STK4: variants seen among roughly 807,000 people sequenced by gnomAD.
STK4 encodes serine/threonine-protein kinase 4.
A neutral mutation model predicts 64.9 loss-of-function variants in STK4; 30 were observed. The observed-to-expected ratio is 0.46, with a 90% CI of 0.35 to 0.63. The LOEUF is 0.63. STK4 is among the 20% of genes least tolerant of loss of function. The probability of loss-of-function intolerance (pLI) is 0.01; values close to 1 mark genes in which losing one functional copy is unlikely to be tolerated. For synonymous variants in STK4, 177 were observed against 199.0 expected (o/e 0.89, Z 0.93); for missense variants, 466 against 598.5 (o/e 0.78, Z 2.31).
intron 10 of STK4, among the ~76,000 whole-genome samples, chr20:45,060,392 T>G (rs1305780116): frequency 6.6e-6 from 1 of 152,232 alleles, no homozygotes; most frequent in Non-Finnish European, 1.5e-5. Flanking sequence ...AAGTTAAAAT[T>G]CAGACCTTTC....
intron 10 of STK4, chr20:45,053,238 G>A (rs546563327): frequency 6.3e-6 from 9 of 1,423,112 alleles, no homozygotes; most frequent in Admixed American, 1.8e-5. Context: ...CTGGTGGATC[G>A]TGCTAGCTGA....
intron 7 of STK4, among the ~76,000 whole-genome samples, chr20:44,999,698 A>C (rs2145693722): frequency 6.6e-6 from 1 of 152,326 alleles, no homozygotes; most frequent in East Asian, 1.9e-4. Flanking sequence ...TATTTGGGTC[A>C]AAATCTGTTA....
chr20:44,999,616 C>T (rs1256907028), intron 7 of STK4, among the ~76,000 whole-genome samples: 4 of 152,190 alleles, frequency 2.6e-5, no homozygotes, highest in Non-Finnish European at 5.9e-5. Flanking sequence ...ATATTAAAAA[C>T]TTATAAAGCA....
At chr20:45,042,513 A>G (rs907744667) in intron 10 of STK4, among the ~76,000 whole-genome samples, 1 of 152,124 alleles carries the variant, frequency 6.6e-6, no homozygotes, top group Non-Finnish European at 1.5e-5. Context: ...CCCTCTCCCA[A>G]CAGGACCACT....
chr20:45,015,115 T>C (rs1260364938), intron 9 of STK4, among the ~76,000 whole-genome samples: 1 of 152,228 alleles, frequency 6.6e-6, no homozygotes, highest in Non-Finnish European at 1.5e-5. Context: ...GTGTTTATAG[T>C]TCCTCAGAAA....
At position 45,078,580 on chromosome 20, in the gene STK4, T is replaced by TTTC. The variant is rs909903905; in HGVS notation, c.*3405_*3407dup. The TTTC allele has an allele frequency of 2.6e-5, 4 of 152,044 alleles. No individual in the cohort carries two copies. Among genetic ancestry groups the TTTC allele is most frequent in the African/African-American group, 7.3e-5 (3 of 41,374 alleles). The allele number at this position is 152,044 out of a possible 1,614,324, so 9.4% of individuals were successfully genotyped here. ...TGAAGCACTTTCCTTTTTTTTTTTTTTTCCCCTTTTTGTCCCTTTCCCCAA... is the reference window on the plus strand; with the variant it reads ...TGAAGCACTTTCCTTTTTTTTTTTTTTTCTTCCCCTTTTTGTCCCTTTCCCCAA... On this transcript the variant is annotated 3_prime_UTR_variant, in exon 11 of 11. Coordinates refer to ENST00000372806, the MANE Select transcript of STK4 (RefSeq NM_006282.5).
intron 9 of STK4, among the ~76,000 whole-genome samples, chr20:45,008,147 C>G (rs569700635): frequency 4.6e-5 from 7 of 152,290 alleles, no homozygotes; most frequent in African/African-American, 1.7e-4. Context: ...CTCTGCCTCC[C>G]AGGTTCAAGC....
chr20:45,063,551 T>C (rs2145468018), intron 10 of STK4, among the ~76,000 whole-genome samples: 1 of 152,354 alleles, frequency 6.6e-6, no homozygotes, highest in African/African-American at 2.4e-5. Context: ...GTCTGTTTAC[T>C]CCCTTGATAG....
rs1568782447 is a variant in STK4, at chr20:45,078,661, A to G, written c.*3485A>G. 2 of 151,586 alleles carry G rather than the reference A, an allele frequency of 1.3e-5. No homozygotes were observed. The highest frequency in any genetic ancestry group is 4.9e-5 in the African/African-American group (2 of 41,196). The allele number at this position is 151,586 out of a possible 1,614,324, so 9.4% of individuals were successfully genotyped here. Reference sequence around the variant, plus strand: ...GGGAAGAGGAAGGGTAGGAGGATGCATGGATGAGTGGATGAGTGGATCGAT... The same window carrying G: ...GGGAAGAGGAAGGGTAGGAGGATGCGTGGATGAGTGGATGAGTGGATCGAT... On this transcript the variant is annotated 3_prime_UTR_variant, in exon 11 of 11. Transcript: ENST00000372806.
intron 9 of STK4, among the ~76,000 whole-genome samples, chr20:45,024,482 G>A (rs2068308898): frequency 6.6e-6 from 1 of 151,948 alleles, no homozygotes; most frequent in East Asian, 1.9e-4. Context: ...TCTTTTTCAT[G>A]TATGTTTTTC....
In STK4 at chr20:45,073,336, C is replaced by T. The variant is rs186447079; in HGVS notation, c.1306-1682C>T. ...CATTCTCACATTACAAAGAACCTTT[C>T]GTCTTGAACTATTAGGGTTTTCTCA... On this transcript the variant is annotated intron_variant, in intron 10 of 10. Coordinates refer to ENST00000372806, the MANE Select transcript of STK4 (RefSeq NM_006282.5). Among the ~76,000 whole-genome samples, 1,113 of 152,126 alleles carry T rather than the reference C, an allele frequency of 7.3e-3. 12 individuals are homozygous for T. Among genetic ancestry groups the T allele is most frequent in the South Asian group, 0.03 (144 of 4,806 alleles).
chr20:44,967,457 C>T (rs945469710), intron 1 of STK4, among the ~76,000 whole-genome samples: 1 of 152,150 alleles, frequency 6.6e-6, no homozygotes, highest in Non-Finnish European at 1.5e-5. Context: ...AGTTCAAGAT[C>T]AGGATGGTGG....
At chr20:45,056,305 G>A (rs1253903475) in intron 10 of STK4, among the ~76,000 whole-genome samples, 1 of 152,122 alleles carries the variant, frequency 6.6e-6, no homozygotes, top group Non-Finnish European at 1.5e-5. Context: ...TGTCCCTAAA[G>A]TTTTGTCTTT....
chr20:45,001,858 C>T (rs6017461), intron 9 of STK4, among the ~76,000 whole-genome samples: 18,905 of 152,150 alleles, frequency 0.12, 1,544 homozygotes, highest in East Asian at 0.22. Context: ...TGCTTCTGTC[C>T]GTATCTGGCT....
intron 9 of STK4, 53 bp downstream of exon 9, chr20:45,001,406 G>A: frequency 1.6e-5 from 25 of 1,546,716 alleles, no homozygotes; most frequent in Non-Finnish European, 2.1e-5. Flanking sequence ...ACATATTTCA[G>A]AGAAGACAGA....
rs569727031 is a variant in STK4, at chr20:45,048,381, T to C, written c.1305+23251T>C. 4.6e-5 allele frequency among the ~76,000 whole-genome samples: 7 copies of C among 152,272 alleles called. No homozygotes were observed. The East Asian group carries it at 7.7e-4, about 17-fold the overall frequency. ...TGTGTAACACTTAGGGTGGGAGACA[T>C]GGATGAACTACTGGAAAAGGGAAAG... On this transcript the variant is annotated intron_variant, in intron 10 of 10. Transcript: ENST00000372806.
At chr20:45,065,405 GT>G (rs1336120092) in intron 10 of STK4, among the ~76,000 whole-genome samples, 1 of 152,116 alleles carries the variant, frequency 6.6e-6, no homozygotes, top group African/African-American at 2.4e-5. Context: ...ATGGCCTGAA[GT>G]TTTTTTGTTT....
At chr20:45,003,165 C>G (rs1312712225) in intron 9 of STK4, among the ~76,000 whole-genome samples, 1 of 151,978 alleles carries the variant, frequency 6.6e-6, no homozygotes, top group Non-Finnish European at 1.5e-5. Context: ...GTGTGTCCAG[C>G]TAATTTTTAA....
chr20:45,044,947 A>G (rs1568750320), intron 10 of STK4, among the ~76,000 whole-genome samples: 1 of 152,240 alleles, frequency 6.6e-6, no homozygotes, highest in African/African-American at 2.4e-5. Context: ...AACTAAGTTT[A>G]CTTTCAAAAC....
Sources: gnomAD v4.1 joint callset for allele counts (sites outside exome capture counted in the v4.1 genomes callset) on GRCh38, gnomAD v4.1.1 for gene constraint, MANE v1.5 for transcripts, NCBI Gene and HGNC (gene_info 2026-07-23, HGNC 2026-07-21) for gene names.